The following SLC18B1 variants were observed in gnomAD, a reference collection of about 807,000 sequenced individuals.
The protein encoded by SLC18B1 is MFS-type transporter SLC18B1.
SLC18B1 carries 62 observed loss-of-function variants against 53.9 expected under a neutral mutation model. The ratio of observed to expected loss-of-function variants is 1.15; its 90% CI spans 0.94 to 1.42. The LOEUF (loss-of-function observed/expected upper bound fraction) is 1.42. Among genes scored for constraint, SLC18B1 ranks in the 40% most tolerant of loss-of-function variants. The pLI, the probability that SLC18B1 is intolerant of heterozygous loss-of-function variation, is 0.00. For missense variants in SLC18B1, 598 were observed against 547.3 expected (o/e 1.09, Z -0.93); for synonymous variants, 217 against 200.9 (o/e 1.08, Z -0.68).
intron 2 of SLC18B1, among the ~76,000 whole-genome samples, chr6:132,796,205 A>G (rs1245453545): frequency 1.4e-5 from 2 of 147,438 alleles, no homozygotes; most frequent in Non-Finnish European, 3.0e-5. Context: ...AAAAAAAAAA[A>G]TTAGCTGGGC....
chr6:132,773,686 G>A (rs1781034967), intron 9 of SLC18B1, among the ~76,000 whole-genome samples: 5 of 152,168 alleles, frequency 3.3e-5, no homozygotes, highest in Non-Finnish European at 7.4e-5. Context: ...CAGGTCTGAA[G>A]GACTCTGAAA....
At chr6:132,793,201 T>C (rs965115492) in intron 2 of SLC18B1, among the ~76,000 whole-genome samples, 11 of 152,098 alleles carry the variant, frequency 7.2e-5, no homozygotes, top group African/African-American at 2.7e-4. Context: ...TGAATAGAAG[T>C]AGGAATCCCA....
rs1403783165 is a variant in SLC18B1, at chr6:132,792,287, GA to G, written c.184-2016del. Among the ~76,000 whole-genome samples, 5 of 55,864 alleles carry G rather than the reference GA, an allele frequency of 9.0e-5. 1 individual carries two copies. Among genetic ancestry groups the G allele is most frequent in the African/African-American group, 4.4e-4 (4 of 9,182 alleles). 36.6% of individuals were successfully genotyped at this position (55,864 alleles called of 152,430 possible). A position where few individuals can be genotyped will look rare whatever the true frequency, so the allele number is the denominator to read the frequency against. On this transcript the variant is annotated intron_variant, in intron 2 of 13. Coordinates refer to ENST00000275227, the MANE Select transcript of SLC18B1 (RefSeq NM_052831.3). ...AGAAAGAAAGAAAGAAAGAAAGGAA[GA>G]AAGGAAGGAAGGAAGGAAGGAAGGA...
chr6:132,796,195 A>C (rs1353925102), intron 2 of SLC18B1, among the ~76,000 whole-genome samples: 1 of 91,004 alleles, frequency 1.1e-5, no homozygotes, highest in Non-Finnish European at 1.9e-5. Flanking sequence ...AAAACAATAC[A>C]AAAAAAAAAA....
At position 132,787,538 on chromosome 6, in the gene SLC18B1, A is replaced by G; in HGVS notation, c.397T>C (p.Cys133Arg). ...VPDGPVFIAMCFLVRVMDAVS... is the reference protein window; with the variant it reads ...VPDGPVFIAMRFLVRVMDAVS... ...GCATCCATTACTCTCACTAGAAAAC[A>G]CATAGCAATAAATACTGGCCCATCT... is the stretch of plus-strand genomic sequence containing the variant. Residue 133 changes from cysteine (C) to arginine (R), a missense_variant, in exon 5 of 14, where the codon TGT becomes CGT. Cys to Arg is a radical substitution (Grantham distance 180). Transcript: ENST00000275227. 5 of 1,610,592 alleles carry G rather than the reference A, an allele frequency of 3.1e-6. No homozygotes were observed. Among genetic ancestry groups the G allele is most frequent in the African/African-American group, 1.3e-5 (1 of 74,648 alleles).
At chr6:132,789,585 T>C (rs1781470389) in intron 4 of SLC18B1, 179 bp downstream of exon 4, 2 of 529,730 alleles carry the variant, frequency 3.8e-6, no homozygotes, top group Non-Finnish European at 6.8e-6. Flanking sequence ...GCCTGTTTCC[T>C]TAAAATCAAT....
At chr6:132,773,954 A>G (rs1167917865) in intron 9 of SLC18B1, among the ~76,000 whole-genome samples, 1 of 152,242 alleles carries the variant, frequency 6.6e-6, no homozygotes, top group African/African-American at 2.4e-5. Flanking sequence ...ATATAACAAA[A>G]GTATAAACAA....
chr6:132,784,469 TAAAC>T (rs2095866267), intron 5 of SLC18B1, among the ~76,000 whole-genome samples: 1 of 152,124 alleles, frequency 6.6e-6, no homozygotes, highest in Non-Finnish European at 1.5e-5. Flanking sequence ...GAGGAAAAGA[TAAAC>T]AACCCATAGA....
At chr6:132,777,884 C>T (rs1198044558) in intron 7 of SLC18B1, among the ~76,000 whole-genome samples, 1 of 152,160 alleles carries the variant, frequency 6.6e-6, no homozygotes, top group African/African-American at 2.4e-5. Context: ...AATCATAAAA[C>T]ATTTTTCTTA....
At position 132,784,006 on chromosome 6, in the gene SLC18B1, T is replaced by C. The variant is rs563581026; in HGVS notation, c.585A>G (p.Glu195=). Residue 195 remains glutamate (E), a synonymous_variant, in exon 6 of 14, where the codon GAA becomes GAG. Coordinates refer to ENST00000275227, the MANE Select transcript of SLC18B1 (RefSeq NM_052831.3). Reference sequence around the variant, plus strand: ...CGCATCCCAGAACAATAAAAGGCACTTCATAGCCAAAGGATTGATACAAAA... The same window carrying C: ...CGCATCCCAGAACAATAAAAGGCACCTCATAGCCAAAGGATTGATACAAAA... ...GGFLYQSFGY[E]VPFIVLGCVV... is the part of the protein sequence containing the mutation. The C allele has an allele frequency of 1.1e-5, 17 of 1,611,548 alleles. No homozygotes were observed. The East Asian group carries it at 3.1e-4, about 30-fold the overall frequency.
Position 132,793,587 on chromosome 6 carries a change from C to T in SLC18B1, c.184-3315G>A, listed in dbSNP as rs145724969. ...ACAGAGCAGGATAGAGCACATGGTCCCCCACATCTCTTGCCTGAGCTATTA... is the reference window on the plus strand; with the variant it reads ...ACAGAGCAGGATAGAGCACATGGTCTCCCACATCTCTTGCCTGAGCTATTA... On this transcript the variant is annotated intron_variant, in intron 2 of 13. Coordinates refer to ENST00000275227, the MANE Select transcript of SLC18B1 (RefSeq NM_052831.3). Among the ~76,000 whole-genome samples the T allele has an allele frequency of 7.9e-5, 12 of 152,278 alleles. No homozygotes were observed. The East Asian group carries it at 2.1e-3, about 27-fold the overall frequency.
At chr6:132,792,290 AGGAAGGAAG>A (rs1263415928) in intron 2 of SLC18B1, among the ~76,000 whole-genome samples, 2 of 74,588 alleles carry the variant, frequency 2.7e-5, no homozygotes, top group African/African-American at 1.7e-4. Context: ...AAAGGAAGAA[AGGAAGGAAG>A]GAAGGAAGGA....
chr6:132,790,264 C>T lies in SLC18B1; in HGVS notation c.192G>A (p.Lys64=). ...LGPFFPKEAE[K]KGASNTIIGM... The stretch of plus-strand genomic sequence containing the variant: ...CGATAATTGTATTGCTGGCTCCCTT[C>T]TTTTCAGCCTTTAAGTAATAGAAAC... The change falls in exon 3 of 14, where the codon AAG becomes AAA. Residue 64 remains lysine (K), a synonymous_variant. Transcript: ENST00000275227. 1 of 1,549,830 alleles carries T rather than the reference C, an allele frequency of 6.5e-7. No individual in the cohort carries two copies. The highest frequency in any genetic ancestry group is 8.7e-7 in the Non-Finnish European group (1 of 1,146,490).
intron 6 of SLC18B1, among the ~76,000 whole-genome samples, chr6:132,779,849 C>T (rs1036998375): frequency 7.2e-5 from 11 of 151,956 alleles, no homozygotes; most frequent in Non-Finnish European, 1.5e-4. Flanking sequence ...TGGTGGAAGA[C>T]GAAGGAAGAG....
rs1780931673 is a variant in SLC18B1 at position 132,770,170 on chromosome 6, C to T, written c.*100G>A. The stretch of plus-strand genomic sequence containing the variant: ...TTCCAAGACACTGGCACGGGGTCCA[C>T]GGAGTTTTGCGCGTAAAATTTTAAA... On this transcript the variant is annotated 3_prime_UTR_variant, in exon 14 of 14. Coordinates refer to ENST00000275227, the MANE Select transcript of SLC18B1 (RefSeq NM_052831.3). The T allele has an allele frequency of 3.2e-6, 3 of 946,920 alleles. No individual in the cohort carries two copies. The highest frequency in any genetic ancestry group is 2.8e-5 in the South Asian group (2 of 71,342). The allele number at this position is 946,920 out of a possible 1,614,324, so 58.7% of individuals were successfully genotyped here.
chr6:132,795,290 T>C (rs552060570), intron 2 of SLC18B1, among the ~76,000 whole-genome samples: 9 of 152,068 alleles, frequency 5.9e-5, no homozygotes, highest in Non-Finnish European at 1.2e-4. Flanking sequence ...GAAAGCCATT[T>C]CCCTGATTTT....
At chr6:132,791,881 G>A (rs557779709) in intron 2 of SLC18B1, among the ~76,000 whole-genome samples, 4 of 152,146 alleles carry the variant, frequency 2.6e-5, no homozygotes, top group East Asian at 1.9e-4. Flanking sequence ...TACTACACAC[G>A]GGTCAGGTTC....
intron 1 of SLC18B1, 89 bp downstream of exon 1, chr6:132,798,325 C>T: frequency 7.5e-7 from 1 of 1,325,380 alleles, no homozygotes; most frequent in Non-Finnish European, 9.9e-7. Context: ...GGAAACAGAT[C>T]AAGCTATAAG....
chr6:132,787,955 A>C (rs1781423008), intron 4 of SLC18B1, among the ~76,000 whole-genome samples: 2 of 152,032 alleles, frequency 1.3e-5, no homozygotes, highest in South Asian at 4.2e-4. Flanking sequence ...AAGTCAGGAG[A>C]TCGAGACCAT....
Sources: gnomAD v4.1 joint callset for allele counts (sites outside exome capture counted in the v4.1 genomes callset) on GRCh38, gnomAD v4.1.1 for gene constraint, MANE v1.5 for transcripts, NCBI Gene and HGNC (gene_info 2026-07-23, HGNC 2026-07-21) for gene names.